Variants in COL13A1 observed in about 807,000 individuals in gnomAD.
The protein encoded by COL13A1 is collagen type XIII alpha 1 chain, also known as collagen alpha-1(XIII) chain.
COL13A1 carries 89 observed loss-of-function variants against 130.9 expected under a neutral mutation model. The observed-to-expected ratio is 0.68, with a 90% CI of 0.57 to 0.81. The LOEUF (loss-of-function observed/expected upper bound fraction) is 0.81. Among genes scored for constraint, COL13A1 ranks in the 30% least tolerant of loss-of-function variants. The pLI, the probability that COL13A1 is intolerant of heterozygous loss-of-function variation, is 0.00. For missense variants in COL13A1, 879 were observed against 934.6 expected (o/e 0.94, Z 0.78); for synonymous variants, 402 against 341.6 (o/e 1.18, Z -1.95).
At chr10:69,939,896 A>T (rs1204077980) in intron 34 of COL13A1, among the ~76,000 whole-genome samples, 1 of 152,120 alleles carries the variant, frequency 6.6e-6, no homozygotes, top group Non-Finnish European at 1.5e-5. Flanking sequence ...CTTCTACCCA[A>T]CACCTTTTCC....
chr10:69,813,008 G>A (rs926654555), intron 1 of COL13A1, among the ~76,000 whole-genome samples: 5 of 152,368 alleles, frequency 3.3e-5, no homozygotes, highest in South Asian at 2.1e-4. Flanking sequence ...TTGATGTGTG[G>A]TTTGTAGGCT....
intron 2 of COL13A1, among the ~76,000 whole-genome samples, chr10:69,850,041 A>G (rs924245670): frequency 1.3e-5 from 2 of 152,136 alleles, no homozygotes; most frequent in Non-Finnish European, 2.9e-5. Flanking sequence ...ACGGTGACAG[A>G]CATTAGCTGG....
chr10:69,907,083 A>G (rs755052562), intron 17 of COL13A1, among the ~76,000 whole-genome samples: 20 of 152,220 alleles, frequency 1.3e-4, no homozygotes, highest in Non-Finnish European at 2.6e-4. Context: ...CTGAATGGAA[A>G]CAATATTTTA....
At chr10:69,861,530 T>A (rs1332974628) in intron 2 of COL13A1, among the ~76,000 whole-genome samples, 1 of 151,714 alleles carries the variant, frequency 6.6e-6, no homozygotes, top group Admixed American at 6.6e-5. Flanking sequence ...GTCTGGGGAG[T>A]CCAGGACACC....
rs1213276693 is a variant in COL13A1 at position 69,822,785 on chromosome 10, C to G, written c.364+347C>G. 2.6e-5 allele frequency among the ~76,000 whole-genome samples: 4 copies of G among 152,356 alleles called. No homozygotes were observed. In the East Asian group the frequency reaches 7.7e-4, roughly 29 times the overall value. ...CCATCAGCCCCCCAAGGGGAGGCAC[C>G]TTGCTTGCTGTGTTCATCATTGTGT... On this transcript the variant is annotated intron_variant, in intron 2 of 40. Coordinates refer to ENST00000645393, the MANE Select transcript of COL13A1 (RefSeq NM_001368882.1).
chr10:69,844,676 G>T (rs2133337397), intron 2 of COL13A1, among the ~76,000 whole-genome samples: 1 of 152,352 alleles, frequency 6.6e-6, no homozygotes, highest in East Asian at 1.9e-4. Flanking sequence ...TTTTGTCATG[G>T]AGAAGGGAAG....
chr10:69,956,475 T>C, intron 39 of COL13A1: 1 of 156,080 alleles, frequency 6.4e-6, no homozygotes, highest in South Asian at 2.0e-4. Context: ...GCCTGTCCCT[T>C]CATGCCCCTC....
intron 40 of COL13A1, among the ~76,000 whole-genome samples, 156 bp from the exon 41 acceptor site, chr10:69,958,543 C>T (rs984430301): frequency 8.5e-5 from 13 of 152,300 alleles, no homozygotes; most frequent in Non-Finnish European, 7.4e-5. Flanking sequence ...AGGTCGCCAC[C>T]AGTTTCTTTC....
At chr10:69,917,101 C>T (rs2064011630) in intron 17 of COL13A1, among the ~76,000 whole-genome samples, 188 bp from the exon 18 acceptor site, 1 of 152,114 alleles carries the variant, frequency 6.6e-6, no homozygotes. Flanking sequence ...GTAATTGGGG[C>T]CCTCCTGCAA....
At chr10:69,819,630 T>G (rs1312400846) in intron 1 of COL13A1, among the ~76,000 whole-genome samples, 1 of 152,146 alleles carries the variant, frequency 6.6e-6, no homozygotes, top group East Asian at 1.9e-4. Context: ...GCTGCTTCCT[T>G]GAGCTGAGAG....
intron 2 of COL13A1, chr10:69,824,085 CA>C (rs1256072308): frequency 2.1e-6 from 1 of 471,966 alleles, no homozygotes; most frequent in African/African-American, 2.0e-5. Context: ...CCATCTCCAA[CA>C]TGGACCAGTC....
intron 7 of COL13A1, among the ~76,000 whole-genome samples, chr10:69,882,849 G>A (rs900135790): frequency 6.6e-6 from 1 of 152,168 alleles, no homozygotes; most frequent in Admixed American, 6.5e-5. Context: ...AGCTATCCCT[G>A]CTGAGTCCCC....
In COL13A1 at chr10:69,857,769, C is replaced by G. The variant is rs180884657; in HGVS notation, c.365-10029C>G. ...CTCTCTGTCTCAGCCTCCTGAAGTCCACCTTAAAAGGCTTATAAGGGTTAA... is the reference window on the plus strand; with the variant it reads ...CTCTCTGTCTCAGCCTCCTGAAGTCGACCTTAAAAGGCTTATAAGGGTTAA... On this transcript the variant is annotated intron_variant, in intron 2 of 40. Coordinates refer to ENST00000645393, the MANE Select transcript of COL13A1 (RefSeq NM_001368882.1). Among the ~76,000 whole-genome samples, 44 of 152,274 alleles carry G rather than the reference C, an allele frequency of 2.9e-4. 1 individual carries two copies. The Middle Eastern group carries it at 0.017, about 59-fold the overall frequency.
intron 2 of COL13A1, among the ~76,000 whole-genome samples, chr10:69,834,002 G>A (rs1004992397): frequency 6.6e-6 from 1 of 152,060 alleles, no homozygotes; most frequent in East Asian, 1.9e-4. Flanking sequence ...CAGTGTAGAG[G>A]GTGAATTAGG....
chr10:69,872,189 C>T lies in COL13A1; in HGVS notation c.378C>T (p.Pro126=), dbSNP rs772681259. The change falls in exon 4 of 41, where the codon CCC becomes CCT. Residue 126 remains proline, a synonymous_variant. Coordinates refer to ENST00000645393, the MANE Select transcript of COL13A1 (RefSeq NM_001368882.1). ...GCNCPPGPPG[P]TGRPGLPGDK... ...AACGTCACTCTTCATTTCAGGGTCC[C>T]ACTGGAAGACCCGGACTCCCAGTAA... The T allele has an allele frequency of 1.9e-6, 3 of 1,614,074 alleles. No individual in the cohort carries two copies. Among genetic ancestry groups the T allele is most frequent in the Non-Finnish European group, 2.5e-6 (3 of 1,179,902 alleles).
intron 2 of COL13A1, among the ~76,000 whole-genome samples, chr10:69,828,910 C>A (rs1287068194): frequency 6.6e-6 from 1 of 152,218 alleles, no homozygotes; most frequent in Non-Finnish European, 1.5e-5. Context: ...GGTGTAGGTG[C>A]TTGAGAGCAG....
In COL13A1 at chr10:69,872,095, C is replaced by A. The variant is rs968436296; in HGVS notation, c.373-89C>A. The stretch of plus-strand genomic sequence containing the variant: ...AACAAAGGCTTACCCAAGTGGCATG[C>A]CAAGGTCACACAGCTGGTTGAGACA... On this transcript the variant is annotated intron_variant, in intron 3 of 40. Coordinates refer to ENST00000645393, the MANE Select transcript of COL13A1 (RefSeq NM_001368882.1). 2.3e-5 allele frequency: 35 copies of A among 1,511,628 alleles called. No individual in the cohort carries two copies. In the African/African-American group the frequency reaches 4.1e-4, roughly 18 times the overall value. The allele number at this position is 1,511,628 out of a possible 1,614,324, so 93.6% of individuals were successfully genotyped here. A position where few individuals can be genotyped will look rare whatever the true frequency, so the allele number is the denominator to read the frequency against.
At position 69,925,836 on chromosome 10, in the gene COL13A1, G is replaced by C. The variant is rs367663412; in HGVS notation, c.1362G>C (p.Met454Ile). The C allele has an allele frequency of 1.5e-5, 24 of 1,600,830 alleles. No homozygotes were observed. The highest frequency in any genetic ancestry group is 2.0e-5 in the Non-Finnish European group (24 of 1,173,876). The change falls in exon 26 of 41, where the codon ATG (methionine) becomes ATC (isoleucine). Residue 454 changes from methionine (M) to isoleucine (I), a missense_variant. By Grantham distance (10) the Met-to-Ile change is conservative (BLOSUM62 1). Around this residue, in one of 3 missense-constraint regions of COL13A1, gnomAD observed 715 missense variants for 721.0 expected, o/e 0.99. Coordinates refer to ENST00000645393, the MANE Select transcript of COL13A1 (RefSeq NM_001368882.1). ...GSKGEPGKGE[M>I]VDYNGNINEA... ...AGGGAGAACCAGGGAAAGGAGAGAT[G>C]GTGGATTACAATGGAAACATCAATG... is the stretch of plus-strand genomic sequence containing the variant.
At chr10:69,833,169 T>C (rs115327857) in intron 2 of COL13A1, among the ~76,000 whole-genome samples, 2,662 of 152,298 alleles carry the variant, frequency 0.017, 85 homozygotes, top group African/African-American at 0.061. Context: ...TGATTCCATG[T>C]GTTTGTATCA....
Sources: gnomAD v4.1 joint callset for allele counts (sites outside exome capture counted in the v4.1 genomes callset) on GRCh38, gnomAD v4.1.1 for gene constraint, gnomAD v4.1.1 regional missense constraint, MANE v1.5 for transcripts, NCBI Gene and HGNC (gene_info 2026-07-23, HGNC 2026-07-21) for gene names.